Variants in HYLS1 observed in about 807,000 individuals in gnomAD.
HYLS1 encodes HYLS1 centriolar and ciliogenesis associated.
HYLS1 carries 25 observed loss-of-function variants against 29.4 expected under a neutral mutation model. The observed-to-expected ratio is 0.85, with a 90% confidence interval of 0.62 to 1.19. The LOEUF (loss-of-function observed/expected upper bound fraction) is 1.19, where lower values mean the gene tolerates loss of function less well. Ranked by LOEUF, HYLS1 falls within the 50% of genes most tolerant of loss-of-function variation. The pLI is 0.00. For synonymous variants in HYLS1, 128 were observed against 126.7 expected (o/e 1.01, Z -0.07); for missense variants, 352 against 365.1 (o/e 0.96, Z 0.29).
intron 1 of HYLS1, among the ~76,000 whole-genome samples, chr11:125,890,614 C>CAAT (rs1384283204): frequency 2.0e-5 from 3 of 152,140 alleles, no homozygotes; most frequent in African/African-American, 7.2e-5. Context: ...AACTAGCTAA[C>CAAT]CCTAGGATGC....
chr11:125,898,069 A>G (rs746959768), intron 2 of HYLS1, among the ~76,000 whole-genome samples: 1 of 152,118 alleles, frequency 6.6e-6, no homozygotes, highest in Non-Finnish European at 1.5e-5. Context: ...GGTTCAGAAG[A>G]GTTGTGTAGT....
chr11:125,899,172 T>C, intron 2 of HYLS1, 172 bp from the exon 3 acceptor site: 1 of 587,944 alleles, frequency 1.7e-6, no homozygotes, highest in Non-Finnish European at 3.0e-6. Flanking sequence ...ATAGATTCCC[T>C]AGAACTGAGT....
chr11:125,888,567 G>A (rs1455904514), intron 1 of HYLS1, among the ~76,000 whole-genome samples: 1 of 152,048 alleles, frequency 6.6e-6, no homozygotes, highest in Non-Finnish European at 1.5e-5. Flanking sequence ...TCAGGAGTTC[G>A]AGACCAGCCC....
chr11:125,896,196 T>A (rs1389494155), intron 2 of HYLS1: 1 of 1,614,194 alleles, frequency 6.2e-7, no homozygotes, highest in Non-Finnish European at 8.5e-7. Flanking sequence ...GGCCTGTTCC[T>A]TTTTAAGTCT....
intron 2 of HYLS1, among the ~76,000 whole-genome samples, chr11:125,898,097 T>TA (rs983595842): frequency 4.7e-4 from 71 of 151,364 alleles, no homozygotes; most frequent in Non-Finnish European, 6.0e-4. Context: ...TTTACGGTAT[T>TA]AAAAAAAAAT....
chr11:125,895,242 G>A (rs1440307787), intron 2 of HYLS1: 19 of 1,589,188 alleles, frequency 1.2e-5, no homozygotes, highest in Non-Finnish European at 1.6e-5. Context: ...AGGCTTTTGG[G>A]GATTTTTCTC....
chr11:125,884,533 C>T (rs1048864850), upstream of HYLS1, among the ~76,000 whole-genome samples: 2 of 152,284 alleles, frequency 1.3e-5, no homozygotes, highest in East Asian at 1.9e-4. Context: ...AGCATGAACC[C>T]GGGAGGTGGA....
intron 1 of HYLS1, among the ~76,000 whole-genome samples, chr11:125,890,271 CG>C (rs1163906173): frequency 1.4e-5 from 2 of 146,900 alleles, no homozygotes; most frequent in Non-Finnish European, 3.0e-5. Flanking sequence ...TCGTTTGGTA[CG>C]GCATCTGTCT....
rs749489340 is a variant in HYLS1 at position 125,899,593 on chromosome 11, TA to T, written c.227del (p.Asn76MetfsTer18). ...AACTACAGTACCCACATGTAGAAAG[TA>T]ATGTCCCTTCAGAAACAGTCTCTGA... Reference protein sequence around the residue: ...VQLQYPHVESNVPSETVSEAS... With the variant: ...VQLQYPHVESXVPSETVSEAS... On this transcript the variant is annotated frameshift_variant, in exon 3 of 3. Coordinates refer to ENST00000425380, the MANE Select transcript of HYLS1 (RefSeq NM_001134793.2). LOFTEE classifies it high-confidence loss of function. 6.2e-7 allele frequency: 1 copy of T among 1,614,076 alleles called. No individual in the cohort carries two copies.
In HYLS1 at chr11:125,900,491, GAAC is replaced by G; in HGVS notation, c.*228_*230del. On this transcript the variant is annotated 3_prime_UTR_variant, in exon 3 of 3. Coordinates refer to ENST00000425380, the MANE Select transcript of HYLS1 (RefSeq NM_001134793.2). Reference sequence around the variant, plus strand: ...TGCAAGATAAATCATATCAGAGAAAGAACAACAGACCTGGTCTTTCTATTTTGT... The same window carrying G: ...TGCAAGATAAATCATATCAGAGAAAGAACAGACCTGGTCTTTCTATTTTGT... The G allele has an allele frequency of 1.8e-6, 1 of 544,482 alleles. No homozygotes were observed. The highest frequency in any genetic ancestry group is 3.4e-6 in the Non-Finnish European group (1 of 296,386). The allele number at this position is 544,482 out of a possible 1,614,324, so 33.7% of individuals were successfully genotyped here. A position where few individuals can be genotyped will look rare whatever the true frequency, so the allele number is the denominator to read the frequency against.
intron 2 of HYLS1, chr11:125,896,008 G>C: frequency 6.2e-7 from 1 of 1,614,188 alleles, no homozygotes. Flanking sequence ...GCTTCAAACA[G>C]TTTCTCTTCA....
At chr11:125,895,081 C>G in intron 2 of HYLS1, 1 of 523,026 alleles carries the variant, frequency 1.9e-6, no homozygotes, top group Non-Finnish European at 3.2e-6. Flanking sequence ...CAGTCTCCCT[C>G]TGTCACCCAT....
At chr11:125,893,537 G>C (rs758945113) in intron 2 of HYLS1, 43 of 351,740 alleles carry the variant, frequency 1.2e-4, no homozygotes, top group Non-Finnish European at 1.9e-4. Context: ...AGGTTTCCAG[G>C]TGTATGTAAA....
In HYLS1 at chr11:125,900,186, C is replaced by T. The variant is rs768876154; in HGVS notation, c.818C>T (p.Ser273Phe). Residue 273 changes from serine to phenylalanine, a missense_variant, in exon 3 of 3, where the codon TCT (serine) becomes TTT (phenylalanine). Transcript: ENST00000425380. ...CTAGTACCAACAGAGAAGAAAAGGTCTGCACTCCGTTGGGGTGTTCGTTGT... is the reference window on the plus strand; with the variant it reads ...CTAGTACCAACAGAGAAGAAAAGGTTTGCACTCCGTTGGGGTGTTCGTTGT... ...NYLVPTEKKR[S>F]ALRWGVRCDL... 1 of 1,614,158 alleles carries T rather than the reference C, an allele frequency of 6.2e-7. No individual in the cohort carries two copies. Among genetic ancestry groups the T allele is most frequent in the South Asian group, 1.1e-5 (1 of 91,072 alleles).
chr11:125,897,835 C>A (rs909177491), intron 2 of HYLS1, among the ~76,000 whole-genome samples: 2 of 152,136 alleles, frequency 1.3e-5, no homozygotes, highest in African/African-American at 4.8e-5. Flanking sequence ...TTTTGGCCCA[C>A]CTCTCCCATG....
chr11:125,900,137 C>CAT lies in HYLS1; in HGVS notation c.776_777dup (p.Val260MetfsTer7), dbSNP rs1944721005. The CAT allele has an allele frequency of 6.2e-7, 1 of 1,614,176 alleles. No homozygotes were observed. Among genetic ancestry groups the CAT allele is most frequent in the East Asian group, 2.2e-5 (1 of 44,888 alleles). ...AGCAGAACCCCAATCCAAACCTCAG[C>CAT]ATATATATGTCCCAAACAATTATCT... On this transcript the variant is annotated frameshift_variant, in exon 3 of 3. Transcript: ENST00000425380. LOFTEE classifies it high-confidence loss of function.
chr11:125,891,599 A>AT (rs1944410578), intron 2 of HYLS1, 127 bp downstream of exon 2: 1 of 152,096 alleles, frequency 6.6e-6, no homozygotes, highest in Non-Finnish European at 1.5e-5. Flanking sequence ...AAGTAATTAT[A>AT]TTTTAAGAAT....
chr11:125,893,638 T>G (rs979393687), intron 2 of HYLS1: 1 of 634,378 alleles, frequency 1.6e-6, no homozygotes, highest in African/African-American at 1.9e-5. Context: ...AATAACTTCC[T>G]TAATAGGGCT....
At chr11:125,892,037 A>G (rs1008819556) in intron 2 of HYLS1, among the ~76,000 whole-genome samples, 45 of 152,222 alleles carry the variant, frequency 3.0e-4, no homozygotes, top group Admixed American at 9.2e-4. Flanking sequence ...CATGGGTAGG[A>G]AAAAACTAAT....
Sources: allele counts gnomAD v4.1 joint callset (sites outside exome capture counted in the v4.1 genomes callset), GRCh38; gene constraint gnomAD v4.1.1; transcripts MANE v1.5; gene names NCBI Gene and HGNC (gene_info 2026-07-23, HGNC 2026-07-21).